KAZN: variants seen among roughly 807,000 people sequenced by gnomAD.
KAZN encodes kazrin, periplakin interacting protein.
Under a neutral mutation model 87.4 loss-of-function variants are expected in KAZN, and 40 were observed. The ratio of observed to expected loss-of-function variants is 0.46; its 90% CI spans 0.36 to 0.60. The LOEUF is 0.60. Among genes scored for constraint, KAZN ranks in the 20% least tolerant of loss-of-function variants. The pLI is 0.00. For missense variants in KAZN, 898 were observed against 1,073.9 expected, an observed-to-expected ratio of 0.84 and a Z score of 2.29; for synonymous variants, 466 against 458.3, an observed-to-expected ratio of 1.02 and a Z score of -0.22.
chr1:15,102,091 A>G (rs1641093025), intron 11 of KAZN, among the ~76,000 whole-genome samples: 1 of 152,194 alleles, frequency 6.6e-6, no homozygotes, highest in Non-Finnish European at 1.5e-5. Context: ...CTAAGTGCTT[A>G]CCAGAGAGAA....
At chr1:14,810,802 C>T (rs750271937) in intron 1 of KAZN, among the ~76,000 whole-genome samples, 13 of 152,108 alleles carry the variant, frequency 8.5e-5, no homozygotes, top group South Asian at 2.1e-4. Context: ...GCAAGAAAGC[C>T]GAGTCATGAG....
At chr1:14,793,735 T>C (rs1315914148) in intron 1 of KAZN, among the ~76,000 whole-genome samples, 3 of 150,028 alleles carry the variant, frequency 2.0e-5, no homozygotes, top group Non-Finnish European at 4.4e-5. Flanking sequence ...TGGAAGCCAG[T>C]CTTTCATTCT....
intron 1 of KAZN, among the ~76,000 whole-genome samples, chr1:14,077,008 G>A (rs1247186611): frequency 6.6e-6 from 1 of 152,172 alleles, no homozygotes; most frequent in Non-Finnish European, 1.5e-5. Context: ...TAGGACTCCA[G>A]CCTTTAGGGT....
chr1:14,729,748 C>T (rs952017886), intron 1 of KAZN, among the ~76,000 whole-genome samples: 6 of 152,134 alleles, frequency 3.9e-5, no homozygotes, highest in Admixed American at 1.3e-4. Context: ...CCTCACTAAC[C>T]GAATAACAAC....
intron 1 of KAZN, among the ~76,000 whole-genome samples, chr1:14,682,130 CCCTT>C (rs1274914999): frequency 1.3e-5 from 2 of 152,086 alleles, no homozygotes; most frequent in Non-Finnish European, 2.9e-5. Flanking sequence ...TCTCCATTCC[CCCTT>C]CCTTCCAGGC....
chr1:13,940,606 A>G (rs1490673935), intron 1 of KAZN, among the ~76,000 whole-genome samples: 1 of 152,224 alleles, frequency 6.6e-6, no homozygotes, highest in East Asian at 1.9e-4. Context: ...AGAATCAATG[A>G]CAACTCTAGA....
At chr1:13,912,225 C>T (rs1484742280) in intron 1 of KAZN, among the ~76,000 whole-genome samples, 7 of 152,064 alleles carry the variant, frequency 4.6e-5, no homozygotes, top group Admixed American at 2.6e-4. Flanking sequence ...TGGTGAGCAC[C>T]GTAGAGTGTT....
intron 1 of KAZN, among the ~76,000 whole-genome samples, chr1:13,912,042 G>A (rs1639670901): frequency 6.6e-6 from 1 of 152,170 alleles, no homozygotes; most frequent in Non-Finnish European, 1.5e-5. Flanking sequence ...GAGATGGCAA[G>A]CCTCTAATGT....
intron 1 of KAZN, among the ~76,000 whole-genome samples, chr1:14,046,224 T>A (rs1473404579): frequency 6.6e-6 from 1 of 152,084 alleles, no homozygotes; most frequent in Admixed American, 6.6e-5. Context: ...TATGACACAC[T>A]CTCTCTCACC....
At chr1:13,913,392 G>A (rs1233274068) in intron 1 of KAZN, among the ~76,000 whole-genome samples, 1 of 152,122 alleles carries the variant, frequency 6.6e-6, no homozygotes, top group Non-Finnish European at 1.5e-5. Context: ...TTGGTATTTT[G>A]GGGTAGGAAT....
chr1:14,208,058 A>G (rs572103631), intron 2 of KAZN, among the ~76,000 whole-genome samples: 57 of 152,282 alleles, frequency 3.7e-4, no homozygotes, highest in African/African-American at 1.2e-3. Flanking sequence ...TGTGCACCCT[A>G]TTACTTTTGG....
intron 1 of KAZN, among the ~76,000 whole-genome samples, chr1:14,067,587 G>GAGGCAC (rs1643059258): frequency 6.6e-6 from 1 of 152,112 alleles, no homozygotes; most frequent in South Asian, 2.1e-4. Context: ...ATGCTGCTCT[G>GAGGCAC]TAAACGCTTG....
chr1:14,015,460 T>C (rs1451512497), intron 1 of KAZN, among the ~76,000 whole-genome samples: 2 of 2,000 alleles, frequency 1.0e-3, no homozygotes, highest in Admixed American at 0.015. Flanking sequence ...TTACATCTAC[T>C]TTTTTTTTTT....
chr1:14,744,600 G>A (rs1458301005), intron 1 of KAZN, among the ~76,000 whole-genome samples: 2 of 151,980 alleles, frequency 1.3e-5, no homozygotes, highest in Admixed American at 1.3e-4. Context: ...GCCAGGTATG[G>A]TGGCATGTGC....
chr1:13,987,277 C>G (rs1306612533), intron 1 of KAZN, among the ~76,000 whole-genome samples: 1 of 152,026 alleles, frequency 6.6e-6, no homozygotes, highest in Non-Finnish European at 1.5e-5. Context: ...AGGTTTTAAG[C>G]CCCGCATGCA....
At chr1:13,914,347 A>G (rs1293888418) in intron 1 of KAZN, among the ~76,000 whole-genome samples, 2 of 152,170 alleles carry the variant, frequency 1.3e-5, no homozygotes, top group African/African-American at 4.8e-5. Context: ...TAACATGGGG[A>G]TAATATTATT....
intron 2 of KAZN, among the ~76,000 whole-genome samples, chr1:14,277,677 A>C (rs1026546801): frequency 6.7e-6 from 1 of 150,290 alleles, no homozygotes; most frequent in African/African-American, 2.5e-5. Context: ...AAAAAAAAAA[A>C]GAAAAAAGAA....
chr1:14,121,889 T>G (rs1356603085), intron 1 of KAZN, among the ~76,000 whole-genome samples: 2 of 152,122 alleles, frequency 1.3e-5, no homozygotes, highest in African/African-American at 2.4e-5. Flanking sequence ...ACATTCCAGA[T>G]GCAGGAAATA....
chr1:14,511,835 G>C (rs572628455), intron 2 of KAZN, among the ~76,000 whole-genome samples: 1 of 152,132 alleles, frequency 6.6e-6, no homozygotes, highest in Admixed American at 6.6e-5. Context: ...AGCCAGACTG[G>C]GAAGAAGAAT....
Sources: gnomAD v4.1 joint callset for allele counts (sites outside exome capture counted in the v4.1 genomes callset) on GRCh38, gnomAD v4.1.1 for gene constraint, MANE v1.5 for transcripts, NCBI Gene and HGNC (gene_info 2026-07-23, HGNC 2026-07-21) for gene names.